BRD4: variants seen among roughly 807,000 people sequenced by gnomAD.
BRD4 encodes the protein bromodomain-containing protein 4.
A neutral mutation model predicts 142.1 loss-of-function variants in BRD4; 16 were observed. That is an observed-to-expected ratio of 0.11 (90% CI 0.08 to 0.17). The LOEUF is 0.17. BRD4 is among the 10% of genes least tolerant of loss of function. The pLI is 1.00. For missense variants in BRD4, 1,424 were observed against 1,810.9 expected, an observed-to-expected ratio of 0.79 and a Z score of 3.88; for synonymous variants, 833 against 707.5, an observed-to-expected ratio of 1.18 and a Z score of -2.82.
chr19:15,260,340 A>T (rs564474255), intron 7 of BRD4, among the ~76,000 whole-genome samples: 1 of 152,350 alleles, frequency 6.6e-6, no homozygotes, highest in Non-Finnish European at 1.5e-5. Context: ...CTCCTGAAGA[A>T]GTGAGCAAGG....
chr19:15,292,942 A>AGTTAAT (rs1328588100), intron 1 of BRD4, among the ~76,000 whole-genome samples: 2 of 152,070 alleles, frequency 1.3e-5, no homozygotes, highest in African/African-American at 4.8e-5. Flanking sequence ...CACTGCTGGT[A>AGTTAAT]GTTAATGTCC....
chr19:15,238,345 G>C lies in BRD4; in HGVS notation c.*32C>G. 1 of 1,613,498 alleles carries C rather than the reference G, an allele frequency of 6.2e-7. No homozygotes were observed. The highest frequency in any genetic ancestry group is 8.5e-7 in the Non-Finnish European group (1 of 1,179,650). The stretch of plus-strand genomic sequence containing the variant: ...ACTATGGAAAGTCAATGTTTTGCCA[G>C]AAAATCAAAGTCAGAAGCCACCTAG... On this transcript the variant is annotated 3_prime_UTR_variant, in exon 20 of 20. Transcript: ENST00000679869. This position sits in a 1 kb window ranked among gnomAD's most constrained non-coding sequence, Gnocchi z 7.2.
chr19:15,321,873 C>A (rs539730067), intron 1 of BRD4, among the ~76,000 whole-genome samples: 60 of 152,274 alleles, frequency 3.9e-4, no homozygotes, highest in African/African-American at 1.4e-3. Flanking sequence ...ACTTCCCTCA[C>A]CCTACCCCCT....
At chr19:15,323,254 A>C (rs2048079894) in intron 1 of BRD4, among the ~76,000 whole-genome samples, 1 of 151,276 alleles carries the variant, frequency 6.6e-6, no homozygotes, top group Non-Finnish European at 1.5e-5. Context: ...CTCTGGAATC[A>C]AAACCTATGC....
At chr19:15,311,831 A>G (rs892988072) in intron 1 of BRD4, among the ~76,000 whole-genome samples, 9 of 152,084 alleles carry the variant, frequency 5.9e-5, no homozygotes, top group African/African-American at 2.2e-4. Context: ...TACTCAACAA[A>G]CAAAAAATAC....
intron 1 of BRD4, among the ~76,000 whole-genome samples, chr19:15,323,281 G>A (rs955097975): frequency 2.7e-5 from 4 of 147,158 alleles, no homozygotes; most frequent in Non-Finnish European, 6.0e-5. Context: ...CTTTATATAT[G>A]AAAAACTGAG....
intron 1 of BRD4, among the ~76,000 whole-genome samples, chr19:15,297,431 G>C (rs984430196): frequency 6.6e-6 from 1 of 152,142 alleles, no homozygotes; most frequent in African/African-American, 2.4e-5. Context: ...GAAGCACTGA[G>C]CCACTGCCAC....
chr19:15,244,479 G>A lies in BRD4; in HGVS notation c.2333C>T (p.Pro778Leu), dbSNP rs1454672388. 3 of 1,541,232 alleles carry A rather than the reference G, an allele frequency of 1.9e-6. No individual in the cohort carries two copies. Among genetic ancestry groups the A allele is most frequent in the Admixed American group, 4.0e-5 (2 of 50,326 alleles). The change falls in exon 13 of 20, where the codon CCC (proline) becomes CTC (leucine). Residue 778 changes from proline (P) to leucine (L), a missense_variant. This residue lies in a region of BRD4 where 598 missense variants were observed against 647.8 expected (regional missense o/e 0.92). Transcript: ENST00000679869. ...CGGCATGGAGGGTGGGGGAGGCGGG[G>A]GTGGCGGCTGCTGTTGCTGCTGCGG... ...PPPQQQQQPP[P>L]PPPPPSMPQQ...
rs78431417 is a variant in BRD4 at position 15,287,226 on chromosome 19, A to T, written c.-34-14093T>A. ...AAAAATGTTTATGCGGTTTTAGAGG[A>T]CAGTGCCTTTATTCTTTTTTTTTTT... On this transcript the variant is annotated intron_variant, in intron 1 of 19. Coordinates refer to ENST00000679869, the MANE Select transcript of BRD4 (RefSeq NM_001379291.1). Among the ~76,000 whole-genome samples, 16 of 152,040 alleles carry T rather than the reference A, an allele frequency of 1.1e-4. No homozygotes were observed. The East Asian group carries it at 3.1e-3, about 29-fold the overall frequency.
intron 6 of BRD4, 146 bp from the exon 7 acceptor site, chr19:15,263,694 A>G (rs1249049756): frequency 2.0e-6 from 2 of 1,022,146 alleles, no homozygotes; most frequent in Non-Finnish European, 2.9e-6. Context: ...GGGACAGGCC[A>G]TCACCCCAGT....
intron 1 of BRD4, among the ~76,000 whole-genome samples, chr19:15,281,756 G>A (rs1248231346): frequency 6.6e-6 from 1 of 152,170 alleles, no homozygotes; most frequent in Non-Finnish European, 1.5e-5. Context: ...GGTGGCTTAC[G>A]TCTATAATCT....
chr19:15,302,458 C>CA (rs1380465296), intron 1 of BRD4, among the ~76,000 whole-genome samples: 1 of 152,032 alleles, frequency 6.6e-6, no homozygotes, highest in East Asian at 1.9e-4. Flanking sequence ...CTCACGAGGT[C>CA]AACAGATCAA....
At chr19:15,270,661 GCC>G (rs2047577204) in intron 2 of BRD4, among the ~76,000 whole-genome samples, 1 of 152,192 alleles carries the variant, frequency 6.6e-6, no homozygotes, top group Admixed American at 6.5e-5. Flanking sequence ...ACGGTTTGGG[GCC>G]ATGATAGGAG....
rs760257027 is a variant in BRD4 at position 15,249,090 on chromosome 19, C to T, written c.2159-4328G>A. ...CGGCTGGCCAGGCAGGCAGCCTTCC[C>T]GAAGGCGGGACTAGGCGTGTGCTGC... On this transcript the variant is annotated intron_variant, in intron 11 of 19. Coordinates refer to ENST00000679869, the MANE Select transcript of BRD4 (RefSeq NM_001379291.1). The T allele has an allele frequency of 4.1e-4, 367 of 905,848 alleles. 1 individual carries two copies. The highest frequency in any genetic ancestry group is 5.8e-4 in the Non-Finnish European group (350 of 602,656). The allele number at this position is 905,848 out of a possible 1,614,324, so 56.1% of individuals were successfully genotyped here.
intron 1 of BRD4, among the ~76,000 whole-genome samples, chr19:15,306,601 C>T (rs559820798): frequency 3.9e-5 from 6 of 152,078 alleles, no homozygotes; most frequent in Non-Finnish European, 7.4e-5. Context: ...GTGTGAGAGA[C>T]GCGAGACCCT....
chr19:15,237,052 G>A lies in BRD4; in HGVS notation c.*1325C>T, dbSNP rs1412914223. The A allele has an allele frequency of 1.9e-5, 4 of 207,446 alleles. No homozygotes were observed. Among genetic ancestry groups the A allele is most frequent in the Non-Finnish European group, 2.9e-5 (3 of 102,772 alleles). 12.9% of individuals were successfully genotyped at this position (207,446 alleles called of 1,614,324 possible). A position where few individuals can be genotyped will look rare whatever the true frequency, so the allele number is the denominator to read the frequency against. ...AAAAAAAAAAAGCATGGGCAGGAGC[G>A]GCCAGCTGGTTGGGGCTGGGCGCCA... On this transcript the variant is annotated 3_prime_UTR_variant, in exon 20 of 20. Transcript: ENST00000679869.
chr19:15,310,153 A>G (rs564560960), intron 1 of BRD4, among the ~76,000 whole-genome samples: 2 of 151,042 alleles, frequency 1.3e-5, no homozygotes, highest in Admixed American at 1.3e-4. Context: ...AAGCCCACTG[A>G]TAGGATGAGT....
At position 15,238,107 on chromosome 19, in the gene BRD4, G is replaced by A. The variant is rs1309054276; in HGVS notation, c.*270C>T. 2.0e-6 allele frequency: 1 copy of A among 496,482 alleles called. No homozygotes were observed. The highest frequency in any genetic ancestry group is 3.6e-6 in the Non-Finnish European group (1 of 276,318). The allele number at this position is 496,482 out of a possible 1,614,324, so 30.8% of individuals were successfully genotyped here. On this transcript the variant is annotated 3_prime_UTR_variant, in exon 20 of 20. Transcript: ENST00000679869. The surrounding 1 kb of genome is among the most constrained non-coding windows in gnomAD (Gnocchi z 7.2). ...CCGCATGTGGGGATGCAGGGCTTGG[G>A]TCCAGCCGGCACTTGCTCGTAACAA...
intron 1 of BRD4, among the ~76,000 whole-genome samples, chr19:15,309,667 T>C (rs2047949422): frequency 6.6e-6 from 1 of 152,144 alleles, no homozygotes. Flanking sequence ...AAAATATCCA[T>C]GAACTGATGA....
Sources: gnomAD v4.1 joint callset for allele counts (sites outside exome capture counted in the v4.1 genomes callset) on GRCh38, gnomAD v4.1.1 for gene constraint, gnomAD v4.1.1 regional missense constraint, Gnocchi (gnomAD v3.1) non-coding constraint, MANE v1.5 for transcripts, NCBI Gene and HGNC (gene_info 2026-07-23, HGNC 2026-07-21) for gene names.